The following EXOC2 variants were observed in gnomAD, a reference collection of about 807,000 sequenced individuals.
EXOC2 encodes the protein SEC5-like 1.
In EXOC2, 70 loss-of-function variants were observed where a neutral mutation model predicts 131.8. That is an observed-to-expected ratio of 0.53 (90% confidence interval 0.44 to 0.65). The LOEUF (loss-of-function observed/expected upper bound fraction) is 0.65, where lower values mean the gene tolerates loss of function less well. Ranked by LOEUF, EXOC2 falls within the 30% of genes least tolerant of loss-of-function variation. EXOC2 has a pLI of 0.00. For missense variants in EXOC2, 923 were observed against 1,108.6 expected, an observed-to-expected ratio of 0.83 and a Z score of 2.38; for synonymous variants, 411 against 398.4, an observed-to-expected ratio of 1.03 and a Z score of -0.38.
chr6:588,260 G>C (rs1759326987), intron 11 of EXOC2, among the ~76,000 whole-genome samples: 1 of 152,164 alleles, frequency 6.6e-6, no homozygotes, highest in African/African-American at 2.4e-5. Context: ...TGTTCTGAAT[G>C]TCAAAAGAAA....
Position 675,530 on chromosome 6 carries a change from G to T in EXOC2, c.-44+17489C>A, listed in dbSNP as rs796731932. On this transcript the variant is annotated intron_variant, in intron 1 of 27. Coordinates refer to ENST00000230449, the MANE Select transcript of EXOC2 (RefSeq NM_018303.6). ...CTCTTCAACATTACAGAAAGGACAG[G>T]TTCCTCTGGAGACTCTGAGGTTCCC... is the stretch of plus-strand genomic sequence containing the variant. Among the ~76,000 whole-genome samples the T allele has an allele frequency of 3.3e-4, 17 of 51,708 alleles. 1 individual carries two copies. The highest frequency in any genetic ancestry group is 7.5e-4 in the African/African-American group (15 of 19,878). 33.9% of individuals were successfully genotyped at this position (51,708 alleles called of 152,430 possible). A position where few individuals can be genotyped will look rare whatever the true frequency, so the allele number is the denominator to read the frequency against.
intron 7 of EXOC2, among the ~76,000 whole-genome samples, chr6:608,372 A>G (rs1166465002): frequency 6.6e-6 from 1 of 152,260 alleles, no homozygotes; most frequent in Non-Finnish European, 1.5e-5. Flanking sequence ...AGCAATCAAC[A>G]TCATGTTGTT....
At chr6:552,683 G>A (rs78152488) in intron 21 of EXOC2, among the ~76,000 whole-genome samples, 1 of 152,234 alleles carries the variant, frequency 6.6e-6, no homozygotes, top group South Asian at 2.1e-4. Context: ...TTCTGTCTCA[G>A]TGAATGGTAT....
chr6:638,797 T>C (rs893473425), intron 1 of EXOC2, among the ~76,000 whole-genome samples: 4 of 152,024 alleles, frequency 2.6e-5, no homozygotes, highest in African/African-American at 9.7e-5. Context: ...GACGTGGTGG[T>C]GCACGCCTGT....
rs1581270339 is a variant in EXOC2, at chr6:486,589, C to T, written c.*82G>A. On this transcript the variant is annotated 3_prime_UTR_variant, in exon 28 of 28. Transcript: ENST00000230449. ...AAAATGGCAAACCCAATGTTTAATA[C>T]ACCAAATACCTTTAGGGTACTTAGA... is the stretch of plus-strand genomic sequence containing the variant. 1.6e-6 allele frequency: 2 copies of T among 1,262,932 alleles called. No homozygotes were observed. The highest frequency in any genetic ancestry group is 2.4e-5 in the East Asian group (1 of 42,146). The allele number at this position is 1,262,932 out of a possible 1,614,324, so 78.2% of individuals were successfully genotyped here.
chr6:529,033 G>T (rs957112298), intron 23 of EXOC2, among the ~76,000 whole-genome samples: 4 of 152,274 alleles, frequency 2.6e-5, no homozygotes, highest in African/African-American at 9.6e-5. Context: ...ATCCAGTGAG[G>T]ACTTTGAAAT....
intron 22 of EXOC2, among the ~76,000 whole-genome samples, chr6:537,501 CGTACACTCGAGTTGATGACCGATGGAGT>C (rs1766539766): frequency 6.6e-6 from 1 of 152,116 alleles, no homozygotes; most frequent in Non-Finnish European, 1.5e-5. Context: ...ACCGACGGAG[CGTACACTCGAGTTGATGACCGATGGAGT>C]GTACACTCTG....
chr6:542,430 C>G (rs1014054606), intron 22 of EXOC2, among the ~76,000 whole-genome samples: 1 of 152,102 alleles, frequency 6.6e-6, no homozygotes, highest in Non-Finnish European at 1.5e-5. Context: ...CCTTGCACTT[C>G]GGGAATGGAG....
At chr6:488,096 G>A (rs887701541) in intron 27 of EXOC2, among the ~76,000 whole-genome samples, 1 of 152,246 alleles carries the variant, frequency 6.6e-6, no homozygotes, top group African/African-American at 2.4e-5. Context: ...GCTGCCATGT[G>A]CCCACGTGGG....
intron 23 of EXOC2, among the ~76,000 whole-genome samples, chr6:527,495 G>T (rs1174886628): frequency 6.6e-6 from 1 of 152,210 alleles, no homozygotes; most frequent in East Asian, 1.9e-4. Context: ...TCAATTTGTT[G>T]GAATATGCTG....
chr6:551,630 A>G (rs1026330504), intron 21 of EXOC2, among the ~76,000 whole-genome samples: 1 of 152,122 alleles, frequency 6.6e-6, no homozygotes. Context: ...ACCAGGAGGG[A>G]GTGCCTGAGG....
chr6:616,386 G>A (rs919145545), intron 6 of EXOC2, among the ~76,000 whole-genome samples: 3 of 151,968 alleles, frequency 2.0e-5, no homozygotes, highest in African/African-American at 7.2e-5. Context: ...GGCGGATCAC[G>A]AGGTCAGGAG....
intron 23 of EXOC2, among the ~76,000 whole-genome samples, chr6:510,695 G>GAACTC (rs1764796472): frequency 6.6e-6 from 1 of 152,154 alleles, no homozygotes; most frequent in Non-Finnish European, 1.5e-5. Context: ...AGATGTCACA[G>GAACTC]AACTCATTAC....
intron 7 of EXOC2, 40 bp from the exon 8 acceptor site, chr6:599,265 AT>A: frequency 6.7e-7 from 1 of 1,502,604 alleles, no homozygotes; most frequent in East Asian, 2.3e-5. Context: ...ATGAAAGCTG[AT>A]TTTAATCAGA....
chr6:557,046 T>C (rs1243985105), intron 17 of EXOC2, among the ~76,000 whole-genome samples: 2 of 152,202 alleles, frequency 1.3e-5, no homozygotes, highest in African/African-American at 4.8e-5. Flanking sequence ...AAACAGTCAT[T>C]TTCTATCTAC....
intron 1 of EXOC2, among the ~76,000 whole-genome samples, chr6:647,639 T>A (rs559383557): frequency 2.0e-4 from 26 of 127,928 alleles, no homozygotes; most frequent in African/African-American, 6.4e-4. Context: ...CTTCATTGTG[T>A]CTCCAGTGAC....
At chr6:544,409 C>A (rs1456433510) in intron 22 of EXOC2, among the ~76,000 whole-genome samples, 1 of 152,056 alleles carries the variant, frequency 6.6e-6, no homozygotes, top group Non-Finnish European at 1.5e-5. Context: ...CAAATAGGGT[C>A]AAAAATTAGG....
chr6:679,319 C>T (rs1764293650), intron 1 of EXOC2: 1 of 152,096 alleles, frequency 6.6e-6, no homozygotes, highest in African/African-American at 2.4e-5. Context: ...TTACAGTTCA[C>T]AAGAGAGGAG....
chr6:605,570 G>C (rs1246116179), intron 7 of EXOC2, among the ~76,000 whole-genome samples: 1 of 152,026 alleles, frequency 6.6e-6, no homozygotes, highest in African/African-American at 2.4e-5. Flanking sequence ...ATTTTTTATT[G>C]CATCTATTTG....
Sources: gnomAD v4.1 joint callset for allele counts (sites outside exome capture counted in the v4.1 genomes callset) on GRCh38, gnomAD v4.1.1 for gene constraint, MANE v1.5 for transcripts, NCBI Gene and HGNC (gene_info 2026-07-23, HGNC 2026-07-21) for gene names.